NWD2: variants seen among roughly 807,000 people sequenced by gnomAD.
NWD2 encodes NACHT and WD repeat domain containing 2.
Under a neutral mutation model 132.7 loss-of-function variants are expected in NWD2, and 37 were observed. The ratio of observed to expected loss-of-function variants is 0.28; its 90% CI spans 0.21 to 0.37. NWD2 has a LOEUF of 0.37. Among genes scored for constraint, NWD2 ranks in the 10% least tolerant of loss-of-function variants. NWD2 has a pLI of 1.00. For synonymous variants in NWD2, 705 were observed against 803.0 expected, an observed-to-expected ratio of 0.88 and a Z score of 2.06; for missense variants, 1,592 against 2,122.4, an observed-to-expected ratio of 0.75 and a Z score of 4.91.
intron 3 of NWD2, among the ~76,000 whole-genome samples, chr4:37,387,608 G>A (rs1293527751): frequency 1.3e-5 from 2 of 150,250 alleles, no homozygotes; most frequent in East Asian, 2.0e-4. Context: ...ATTCCTCATA[G>A]CTCCTCTCAT....
chr4:37,387,257 C>A, intron 3 of NWD2, among the ~76,000 whole-genome samples: 1 of 151,036 alleles, frequency 6.6e-6, no homozygotes, highest in South Asian at 2.1e-4. Context: ...GTATTTAACC[C>A]AACATAGCCA....
At chr4:37,312,250 C>A (rs1366463774) in intron 1 of NWD2, among the ~76,000 whole-genome samples, 1 of 151,350 alleles carries the variant, frequency 6.6e-6, no homozygotes. Flanking sequence ...ATTGATTCTT[C>A]CTACCCATGA....
At position 37,324,167 on chromosome 4, in the gene NWD2, T is replaced by A. The variant is rs540997664; in HGVS notation, c.152-1769T>A. 3.3e-5 allele frequency among the ~76,000 whole-genome samples: 5 copies of A among 152,040 alleles called. No homozygotes were observed. The East Asian group carries it at 5.8e-4, about 18-fold the overall frequency. On this transcript the variant is annotated intron_variant, in intron 1 of 6. Coordinates refer to ENST00000309447, the MANE Select transcript of NWD2 (RefSeq NM_001144990.2). Reference sequence around the variant, plus strand: ...CTGTGTCTAAAATAAGAGTTGAAATTAAAAAAAATTAGGTACTAAATTTCT... The same window carrying A: ...CTGTGTCTAAAATAAGAGTTGAAATAAAAAAAAATTAGGTACTAAATTTCT...
intron 3 of NWD2, among the ~76,000 whole-genome samples, chr4:37,413,489 G>T (rs1395566443): frequency 1.3e-5 from 2 of 152,224 alleles, no homozygotes; most frequent in African/African-American, 4.8e-5. Flanking sequence ...TGGAGAGGAT[G>T]TGGAGAAATA....
At chr4:37,275,494 A>T (rs1019617821) in intron 1 of NWD2, among the ~76,000 whole-genome samples, 1 of 152,176 alleles carries the variant, frequency 6.6e-6, no homozygotes. Flanking sequence ...GAAAATGGCC[A>T]TACTGCCCAA....
intron 1 of NWD2, among the ~76,000 whole-genome samples, chr4:37,248,643 C>T (rs1717291492): frequency 6.6e-6 from 1 of 152,158 alleles, no homozygotes; most frequent in African/African-American, 2.4e-5. Context: ...ACATAAAATC[C>T]TTTACTGTGA....
In NWD2 at chr4:37,445,896, T is replaced by C; in HGVS notation, c.3908T>C (p.Ile1303Thr). Residue 1303 changes from isoleucine to threonine, a missense_variant, in exon 7 of 7, where the codon ATA becomes ACA. Transcript: ENST00000309447. The surrounding 1 kb of genome is among the most constrained non-coding windows in gnomAD (Gnocchi z 4.7). ...STSGVLSIWD[I>T]DIITAMSNID... ...AGTGGTGTTCTTTCCATTTGGGACA[T>C]AGATATAATCACAGCTATGTCCAAC... 1 of 1,551,886 alleles carries C rather than the reference T, an allele frequency of 6.4e-7. No individual in the cohort carries two copies. Among genetic ancestry groups the C allele is most frequent in the Non-Finnish European group, 8.7e-7 (1 of 1,147,012 alleles).
rs114827097 is a variant in NWD2 at position 37,265,050 on chromosome 4, G to A, written c.151+19832G>A. Among the ~76,000 whole-genome samples the A allele has an allele frequency of 3.2e-3, 492 of 152,118 alleles. 4 individuals carry two copies. Among genetic ancestry groups the A allele is most frequent in the African/African-American group, 0.011 (456 of 41,516 alleles). On this transcript the variant is annotated intron_variant, in intron 1 of 6. Transcript: ENST00000309447. ...ACAATATTAAAATCAGATCAAAAAT[G>A]TATCTAAAGCTGAACTCCAGCCTGT...
chr4:37,282,734 G>A (rs951323191), intron 1 of NWD2, among the ~76,000 whole-genome samples: 1 of 152,120 alleles, frequency 6.6e-6, no homozygotes, highest in Non-Finnish European at 1.5e-5. Context: ...CGAAGATAGT[G>A]AGTAAAGCTA....
chr4:37,348,597 T>G (rs1334888501), intron 2 of NWD2, among the ~76,000 whole-genome samples: 2 of 132,162 alleles, frequency 1.5e-5, no homozygotes, highest in African/African-American at 5.6e-5. Context: ...TTTTTTTTTT[T>G]TTTTTTGTTG....
intron 3 of NWD2, among the ~76,000 whole-genome samples, chr4:37,372,987 G>A (rs1720262316): frequency 6.6e-6 from 1 of 152,202 alleles, no homozygotes; most frequent in Non-Finnish European, 1.5e-5. Context: ...AATTCACAAT[G>A]CTAAAATCAA....
chr4:37,443,824 T>C lies in NWD2; in HGVS notation c.1836T>C (p.Phe612=). Residue 612 remains phenylalanine (F), a synonymous_variant, in exon 7 of 7, where the codon TTT becomes TTC. Transcript: ENST00000309447. The surrounding 1 kb of genome is among the most constrained non-coding windows in gnomAD (Gnocchi z 4.1). ...TATCCAAGTGCACACTGCCAATGTT[T>C]GTGAACCTGACCTTCAGGGAGGTGA... is the stretch of plus-strand genomic sequence containing the variant. ...NALSKCTLPM[F]VNLTFREVRH... 1 of 1,552,180 alleles carries C rather than the reference T, an allele frequency of 6.4e-7. No homozygotes were observed. Among genetic ancestry groups the C allele is most frequent in the Non-Finnish European group, 8.7e-7 (1 of 1,147,114 alleles).
chr4:37,348,473 C>T (rs1719683043), intron 2 of NWD2, among the ~76,000 whole-genome samples: 1 of 151,422 alleles, frequency 6.6e-6, no homozygotes. Context: ...TGGGGACTGA[C>T]CTTGACATGG....
Position 37,439,497 on chromosome 4 carries a change from A to T in NWD2, c.1296+107A>T. On this transcript the variant is annotated intron_variant, in intron 6 of 6. Coordinates refer to ENST00000309447, the MANE Select transcript of NWD2 (RefSeq NM_001144990.2). This position sits in a 1 kb window ranked among gnomAD's most constrained non-coding sequence, Gnocchi z 4.5. ...TTTCTGAGTTTACTATGTGAATTAT[A>T]GTTGGTCTTTTAGGAGTGAATACTG... 2.4e-6 allele frequency: 2 copies of T among 839,244 alleles called. No homozygotes were observed. The highest frequency in any genetic ancestry group is 3.5e-6 in the Non-Finnish European group (2 of 566,600). 52.0% of individuals were successfully genotyped at this position (839,244 alleles called of 1,614,324 possible).
In NWD2 at chr4:37,244,954, G is replaced by A. The variant is rs1717198144; in HGVS notation, c.-114G>A. The A allele has an allele frequency of 1.4e-6, 2 of 1,412,068 alleles. No homozygotes were observed. Among genetic ancestry groups the A allele is most frequent in the South Asian group, 1.4e-5 (1 of 73,826 alleles). 87.5% of individuals were successfully genotyped at this position (1,412,068 alleles called of 1,614,324 possible). On this transcript the variant is annotated 5_prime_UTR_variant, in exon 1 of 7. Coordinates refer to ENST00000309447, the MANE Select transcript of NWD2 (RefSeq NM_001144990.2). The surrounding 1 kb of genome is among the most constrained non-coding windows in gnomAD (Gnocchi z 5.5). ...CGCTTCGGGCTCGGAGCGGCTCTGA[G>A]CCGCGCCGCCTGCTGAGATCGACCG...
intron 1 of NWD2, among the ~76,000 whole-genome samples, chr4:37,305,241 A>C (rs138041085): frequency 6.6e-6 from 1 of 152,182 alleles, no homozygotes; most frequent in African/African-American, 2.4e-5. Context: ...TCAGGCCACG[A>C]AACTATTTTT....
chr4:37,447,276 T>G lies in NWD2; in HGVS notation c.*59T>G, dbSNP rs1043775868. 1.6e-6 allele frequency: 2 copies of G among 1,267,386 alleles called. No individual in the cohort carries two copies. Among genetic ancestry groups the G allele is most frequent in the Non-Finnish European group, 2.2e-6 (2 of 922,028 alleles). 78.5% of individuals were successfully genotyped at this position (1,267,386 alleles called of 1,614,324 possible). A position where few individuals can be genotyped will look rare whatever the true frequency, so the allele number is the denominator to read the frequency against. On this transcript the variant is annotated 3_prime_UTR_variant, in exon 7 of 7. Coordinates refer to ENST00000309447, the MANE Select transcript of NWD2 (RefSeq NM_001144990.2). The stretch of plus-strand genomic sequence containing the variant: ...TCCACGTACAGAAGGGAAAAAAATG[T>G]GCCCCAAATGATAAACTATTCATTT...
intron 3 of NWD2, among the ~76,000 whole-genome samples, chr4:37,421,381 G>A (rs1241204064): frequency 6.6e-6 from 1 of 152,178 alleles, no homozygotes; most frequent in Non-Finnish European, 1.5e-5. Context: ...CCTTATGGCT[G>A]TTCCCTTTGT....
chr4:37,358,098 T>A (rs1405702277), intron 3 of NWD2, among the ~76,000 whole-genome samples: 4 of 152,166 alleles, frequency 2.6e-5, no homozygotes, highest in Non-Finnish European at 1.5e-5. Context: ...TTGTTATGGC[T>A]CAGCATAATT....
Sources: gnomAD v4.1 joint callset for allele counts (sites outside exome capture counted in the v4.1 genomes callset) on GRCh38, gnomAD v4.1.1 for gene constraint, Gnocchi (gnomAD v3.1) non-coding constraint, MANE v1.5 for transcripts, NCBI Gene and HGNC (gene_info 2026-07-23, HGNC 2026-07-21) for gene names.